EDIL3: variants seen among roughly 807,000 people sequenced by gnomAD.
EDIL3 encodes EGF like and discoidin domains 3.
In EDIL3, 37 loss-of-function variants were observed where a neutral mutation model predicts 67.4. The ratio of observed to expected loss-of-function variants is 0.55; its 90% confidence interval spans 0.42 to 0.72. EDIL3 has a LOEUF of 0.72. Among genes scored for constraint, EDIL3 ranks in the 30% least tolerant of loss-of-function variants. EDIL3 has a pLI of 0.00. For missense variants in EDIL3, 527 were observed against 586.3 expected, an observed-to-expected ratio of 0.90 and a Z score of 1.04; for synonymous variants, 195 against 196.3, an observed-to-expected ratio of 0.99 and a Z score of 0.05.
chr5:83,962,468 G>A (rs1335048007), intron 10 of EDIL3, among the ~76,000 whole-genome samples: 1 of 151,240 alleles, frequency 6.6e-6, no homozygotes, highest in African/African-American at 2.4e-5. Flanking sequence ...ATTCTCCAGG[G>A]TCTCACAGAT....
intron 6 of EDIL3, among the ~76,000 whole-genome samples, chr5:84,077,340 T>C (rs183488711): frequency 3.3e-4 from 50 of 152,328 alleles, no homozygotes; most frequent in African/African-American, 1.2e-3. Context: ...GTGAACTGCA[T>C]TTTCAGGTGA....
chr5:84,345,948 T>C (rs1747229188), intron 1 of EDIL3, among the ~76,000 whole-genome samples: 1 of 152,142 alleles, frequency 6.6e-6, no homozygotes, highest in South Asian at 2.1e-4. Flanking sequence ...TCCAAACTAC[T>C]GAAGCAGGTG....
intron 3 of EDIL3, among the ~76,000 whole-genome samples, chr5:84,184,903 G>C (rs536652705): frequency 7.9e-5 from 12 of 152,122 alleles, no homozygotes; most frequent in Non-Finnish European, 1.3e-4. Context: ...GTGTTTCAGA[G>C]GTTATGGCTG....
At chr5:84,209,266 C>T (rs1005806887) in intron 3 of EDIL3, among the ~76,000 whole-genome samples, 4 of 151,872 alleles carry the variant, frequency 2.6e-5, no homozygotes, top group African/African-American at 7.3e-5. Flanking sequence ...AGGCGATACA[C>T]CTAATGCTAA....
chr5:84,079,505 G>A (rs972010737), intron 6 of EDIL3, among the ~76,000 whole-genome samples: 19 of 152,020 alleles, frequency 1.2e-4, no homozygotes, highest in African/African-American at 4.3e-4. Flanking sequence ...GAGAATCACC[G>A]TTTTGTGACC....
At chr5:84,152,482 C>A (rs186849607) in intron 4 of EDIL3, among the ~76,000 whole-genome samples, 1 of 152,108 alleles carries the variant, frequency 6.6e-6, no homozygotes, top group Non-Finnish European at 1.5e-5. Flanking sequence ...AGGAATGGGT[C>A]TTATTAGAAA....
chr5:84,124,310 T>C (rs1476479958), intron 5 of EDIL3, among the ~76,000 whole-genome samples: 1 of 151,962 alleles, frequency 6.6e-6, no homozygotes, highest in Admixed American at 6.6e-5. Context: ...TAGCCTCTGA[T>C]GGTATGTTAC....
At chr5:84,230,085 A>C (rs1744539382) in intron 2 of EDIL3, among the ~76,000 whole-genome samples, 1 of 152,218 alleles carries the variant, frequency 6.6e-6, no homozygotes, top group Non-Finnish European at 1.5e-5. Context: ...CAGATTAATG[A>C]GTATTCACAT....
chr5:84,112,997 AT>A (rs890189944), intron 5 of EDIL3, among the ~76,000 whole-genome samples: 3 of 152,030 alleles, frequency 2.0e-5, no homozygotes, highest in Non-Finnish European at 2.9e-5. Context: ...TTCTTTAGAA[AT>A]TTTTTTTATG....
At chr5:84,161,111 G>A (rs554516404) in intron 4 of EDIL3, among the ~76,000 whole-genome samples, 4 of 151,870 alleles carry the variant, frequency 2.6e-5, no homozygotes, top group African/African-American at 9.7e-5. Context: ...CCATTCCTGA[G>A]TTTCTACACT....
chr5:84,055,783 T>A (rs977042110), intron 9 of EDIL3, among the ~76,000 whole-genome samples: 1 of 152,162 alleles, frequency 6.6e-6, no homozygotes, highest in Admixed American at 6.5e-5. Context: ...CCAGTTAGAA[T>A]GGCAATCATT....
chr5:84,222,058 C>T lies in EDIL3; in HGVS notation c.226+7797G>A, dbSNP rs1289448767. ...TAGTCAGCCATGCAGAATTAAACTC[C>T]ACAAGAAAACAAGAAAGAAATCTAA... On this transcript the variant is annotated intron_variant, in intron 3 of 10. Coordinates refer to ENST00000296591, the MANE Select transcript of EDIL3 (RefSeq NM_005711.5). Among the ~76,000 whole-genome samples the T allele has an allele frequency of 3.3e-5, 5 of 151,828 alleles. No homozygotes were observed. In the East Asian group the frequency reaches 9.7e-4, roughly 29 times the overall value.
intron 1 of EDIL3, among the ~76,000 whole-genome samples, chr5:84,358,520 C>T (rs1747533321): frequency 6.8e-6 from 1 of 146,598 alleles, no homozygotes; most frequent in East Asian, 2.1e-4. Flanking sequence ...ACCCAGTCAA[C>T]TAAAGATAAA....
intron 4 of EDIL3, among the ~76,000 whole-genome samples, chr5:84,173,557 C>T (rs1340990622): frequency 6.6e-6 from 1 of 152,076 alleles, no homozygotes; most frequent in Non-Finnish European, 1.5e-5. Context: ...GAGCTAAAAA[C>T]AGGTTAGGAC....
chr5:84,367,249 T>TA (rs1328580404), intron 1 of EDIL3, among the ~76,000 whole-genome samples: 5 of 152,052 alleles, frequency 3.3e-5, no homozygotes, highest in Admixed American at 2.0e-4. Context: ...GCATATTTTA[T>TA]AAAATAAATC....
At chr5:83,970,293 T>C (rs1018191592) in intron 9 of EDIL3, among the ~76,000 whole-genome samples, 40 of 144,028 alleles carry the variant, frequency 2.8e-4, no homozygotes, top group African/African-American at 9.7e-4. Flanking sequence ...GTCTCTTTCA[T>C]GTTCTTTGTC....
At chr5:84,152,200 G>A (rs553238685) in intron 4 of EDIL3, among the ~76,000 whole-genome samples, 1 of 152,280 alleles carries the variant, frequency 6.6e-6, no homozygotes, top group African/African-American at 2.4e-5. Context: ...TTACAGGCGT[G>A]AGCCACTGCT....
chr5:84,173,026 C>A (rs1161297234), intron 4 of EDIL3, among the ~76,000 whole-genome samples: 1 of 152,100 alleles, frequency 6.6e-6, no homozygotes, highest in African/African-American at 2.4e-5. Flanking sequence ...AACAGAGGTC[C>A]AGCATGACAA....
intron 3 of EDIL3, among the ~76,000 whole-genome samples, chr5:84,184,211 G>C (rs2112360999): frequency 6.6e-6 from 1 of 152,278 alleles, no homozygotes; most frequent in African/African-American, 2.4e-5. Context: ...TAGGAACCTG[G>C]AATCTATGAT....
Sources: allele counts gnomAD v4.1 joint callset (sites outside exome capture counted in the v4.1 genomes callset), GRCh38; gene constraint gnomAD v4.1.1; transcripts MANE v1.5; gene names NCBI Gene and HGNC (gene_info 2026-07-23, HGNC 2026-07-21).